TOP1: variants seen among roughly 807,000 people sequenced by gnomAD.
TOP1 encodes DNA topoisomerase 1.
TOP1 carries 10 observed loss-of-function variants against 111.1 expected under a neutral mutation model. That is an observed-to-expected ratio of 0.09 (90% CI 0.06 to 0.15). TOP1 has a LOEUF of 0.15. Ranked by LOEUF, TOP1 falls within the 10% of genes least tolerant of loss-of-function variation. The probability of loss-of-function intolerance (pLI) is 1.00; values close to 1 mark genes in which losing one functional copy is unlikely to be tolerated. For synonymous variants in TOP1, 271 were observed against 302.9 expected (o/e 0.89, Z 1.10); for missense variants, 474 against 926.7 (o/e 0.51, Z 6.34).
intron 8 of TOP1, among the ~76,000 whole-genome samples, chr20:41,085,330 A>G (rs968522450): frequency 7.9e-5 from 12 of 152,190 alleles, no homozygotes; most frequent in African/African-American, 2.9e-4. Context: ...TTAATAAGTG[A>G]AAATATCTAG....
Position 41,114,212 on chromosome 20 carries a change from T to C in TOP1, c.1638+57T>C. ...TTTTCCATTATTCAACAAGCATGGG[T>C]TGACTGCTTTTTTGTGTGCTTTGCA... On this transcript the variant is annotated intron_variant, in intron 15 of 20. Coordinates refer to ENST00000361337, the MANE Select transcript of TOP1 (RefSeq NM_003286.4). This position sits in a 1 kb window ranked among gnomAD's most constrained non-coding sequence, Gnocchi z 4.5. The C allele has an allele frequency of 6.7e-7, 1 of 1,483,832 alleles. No homozygotes were observed. Among genetic ancestry groups the C allele is most frequent in the Admixed American group, 1.8e-5 (1 of 54,708 alleles). 91.9% of individuals were successfully genotyped at this position (1,483,832 alleles called of 1,614,324 possible). A position where few individuals can be genotyped will look rare whatever the true frequency, so the allele number is the denominator to read the frequency against.
intron 2 of TOP1, among the ~76,000 whole-genome samples, chr20:41,041,095 G>A (rs1213536648): frequency 4.6e-5 from 7 of 152,106 alleles, no homozygotes; most frequent in Non-Finnish European, 1.0e-4. Context: ...AGCCAGAAGT[G>A]TAACCACTTT....
In TOP1 at chr20:41,028,827, G is replaced by A; in HGVS notation, c.-241G>A. Reference sequence around the variant, plus strand: ...CCGCGCAGGCGCAGTGAGCCCAAATGCGAACTTAGGCTGTTACACAACTGC... The same window carrying A: ...CCGCGCAGGCGCAGTGAGCCCAAATACGAACTTAGGCTGTTACACAACTGC... On this transcript the variant is annotated 5_prime_UTR_variant, in exon 1 of 21. An upstream start codon of the reference 5' UTR is lost. Coordinates refer to ENST00000361337, the MANE Select transcript of TOP1 (RefSeq NM_003286.4). 1.9e-6 allele frequency: 1 copy of A among 517,376 alleles called. No homozygotes were observed. The highest frequency in any genetic ancestry group is 3.4e-6 in the Non-Finnish European group (1 of 293,588). The allele number at this position is 517,376 out of a possible 1,614,324, so 32.0% of individuals were successfully genotyped here. A position where few individuals can be genotyped will look rare whatever the true frequency, so the allele number is the denominator to read the frequency against.
rs768833470 is a variant in TOP1 at position 41,029,498 on chromosome 20, C to T, written c.58+43C>T. The T allele has an allele frequency of 6.6e-7, 1 of 1,517,180 alleles. No individual in the cohort carries two copies. The highest frequency in any genetic ancestry group is 1.2e-5 in the South Asian group (1 of 84,866). The allele number at this position is 1,517,180 out of a possible 1,614,324, so 94.0% of individuals were successfully genotyped here. A position where few individuals can be genotyped will look rare whatever the true frequency, so the allele number is the denominator to read the frequency against. ...GCCGACTCCGGGGCCCCCCAGCCGC[C>T]GGCCGCCTCCCCCGCGCCCTGCCGG... is the stretch of plus-strand genomic sequence containing the variant. On this transcript the variant is annotated intron_variant, in intron 2 of 20. Transcript: ENST00000361337. The surrounding 1 kb of genome is among the most constrained non-coding windows in gnomAD (Gnocchi z 6.1).
At position 41,079,458 on chromosome 20, in the gene TOP1, T is replaced by G. The variant is rs759017714; in HGVS notation, c.336-627T>G. Among the ~76,000 whole-genome samples the G allele has an allele frequency of 6.6e-6, 1 of 152,234 alleles. No individual in the cohort carries two copies. The highest frequency in any genetic ancestry group is 2.1e-4 in the South Asian group (1 of 4,834). On this transcript the variant is annotated intron_variant, in intron 5 of 20. Transcript: ENST00000361337. The surrounding 1 kb of genome is among the most constrained non-coding windows in gnomAD (Gnocchi z 4.0). Reference sequence around the variant, plus strand: ...AACAAATAGTAGTGAGACACTCTTCTGTATATAAAGTAAACCTAAGTTAGG... The same window carrying G: ...AACAAATAGTAGTGAGACACTCTTCGGTATATAAAGTAAACCTAAGTTAGG...
chr20:41,095,826 A>C lies in TOP1; in HGVS notation c.731-1394A>C, dbSNP rs1048443933. Among the ~76,000 whole-genome samples, 1 of 152,244 alleles carries C rather than the reference A, an allele frequency of 6.6e-6. No individual in the cohort carries two copies. The highest frequency in any genetic ancestry group is 1.9e-4 in the East Asian group (1 of 5,206). Reference sequence around the variant, plus strand: ...GTTAACCTCATTTTAAGTATAGCCAAATGCTCTTAGTATAGCATGGATTGG... The same window carrying C: ...GTTAACCTCATTTTAAGTATAGCCACATGCTCTTAGTATAGCATGGATTGG... On this transcript the variant is annotated intron_variant, in intron 9 of 20. Coordinates refer to ENST00000361337, the MANE Select transcript of TOP1 (RefSeq NM_003286.4). The surrounding 1 kb of genome is among the most constrained non-coding windows in gnomAD (Gnocchi z 4.6).
chr20:41,075,489 A>G (rs1417839457), intron 3 of TOP1, among the ~76,000 whole-genome samples: 2 of 152,220 alleles, frequency 1.3e-5, no homozygotes, highest in Admixed American at 6.5e-5. Context: ...ACATCTTTAT[A>G]TGTAATGTTA....
Position 41,101,474 on chromosome 20 carries a change from A to ATG in TOP1, c.1308+121_1308+122insTG. ...ATTAAAAATCCTCCCCATTGAAAGAAGGCAAGTACTTTCATAGTTAGCATT... is the reference window on the plus strand; with the variant it reads ...ATTAAAAATCCTCCCCATTGAAAGAATGGGCAAGTACTTTCATAGTTAGCATT... On this transcript the variant is annotated intron_variant, in intron 13 of 20. Coordinates refer to ENST00000361337, the MANE Select transcript of TOP1 (RefSeq NM_003286.4). The surrounding 1 kb of genome is among the most constrained non-coding windows in gnomAD (Gnocchi z 4.1). 1 of 1,102,462 alleles carries ATG rather than the reference A, an allele frequency of 9.1e-7. No individual in the cohort carries two copies. The highest frequency in any genetic ancestry group is 1.3e-6 in the Non-Finnish European group (1 of 787,020). The allele number at this position is 1,102,462 out of a possible 1,614,324, so 68.3% of individuals were successfully genotyped here. A position where few individuals can be genotyped will look rare whatever the true frequency, so the allele number is the denominator to read the frequency against.
In TOP1 at chr20:41,097,598, A is replaced by G. The variant is rs1792099556; in HGVS notation, c.852+257A>G. 6.6e-6 allele frequency among the ~76,000 whole-genome samples: 1 copy of G among 152,178 alleles called. No homozygotes were observed. The highest frequency in any genetic ancestry group is 2.4e-5 in the African/African-American group (1 of 41,438). On this transcript the variant is annotated intron_variant, in intron 10 of 20. Transcript: ENST00000361337. The surrounding 1 kb of genome is among the most constrained non-coding windows in gnomAD (Gnocchi z 4.2). ...GGGGTTATCAGATTAGGCCAAACAG[A>G]AAACCTCAACTCCAGTTGCGCACAG...
Position 41,094,358 on chromosome 20 carries a change from T to G in TOP1, c.730+1771T>G, listed in dbSNP as rs1347599258. Among the ~76,000 whole-genome samples the G allele has an allele frequency of 1.3e-5, 2 of 152,176 alleles. No individual in the cohort carries two copies. Among genetic ancestry groups the G allele is most frequent in the Admixed American group, 6.6e-5 (1 of 15,266 alleles). On this transcript the variant is annotated intron_variant, in intron 9 of 20. Transcript: ENST00000361337. The surrounding 1 kb of genome is among the most constrained non-coding windows in gnomAD (Gnocchi z 4.4). ...GGGCCTAGAACCTTGAAGAGCACCA[T>G]CTCAAAGCGTAGGTATTCCGTAGGC...
chr20:41,123,090 A>G lies in TOP1; in HGVS notation c.2196-105A>G, dbSNP rs2034446902. 1.4e-6 allele frequency: 1 copy of G among 730,852 alleles called. No homozygotes were observed. Among genetic ancestry groups the G allele is most frequent in the East Asian group, 2.7e-5 (1 of 37,594 alleles). The allele number at this position is 730,852 out of a possible 1,614,324, so 45.3% of individuals were successfully genotyped here. On this transcript the variant is annotated intron_variant, in intron 20 of 20. Transcript: ENST00000361337. This position sits in a 1 kb window ranked among gnomAD's most constrained non-coding sequence, Gnocchi z 5.8. ...TGGTGCACTATTAATTTGCATCCTCACTAGACAGATGTGAAAGAGAAGATG... is the reference window on the plus strand; with the variant it reads ...TGGTGCACTATTAATTTGCATCCTCGCTAGACAGATGTGAAAGAGAAGATG...
intron 8 of TOP1, among the ~76,000 whole-genome samples, chr20:41,088,516 ATAAAT>A (rs961402087): frequency 1.3e-5 from 2 of 152,152 alleles, no homozygotes; most frequent in Admixed American, 1.3e-4. Context: ...AAATAAATAA[ATAAAT>A]AAAAACACTG....
In TOP1 at chr20:41,100,292, C is replaced by T. The variant is rs6102279; in HGVS notation, c.1163+49C>T. The T allele has an allele frequency of 6.8e-7, 1 of 1,475,430 alleles. No individual in the cohort carries two copies. The highest frequency in any genetic ancestry group is 9.3e-7 in the Non-Finnish European group (1 of 1,073,504). The allele number at this position is 1,475,430 out of a possible 1,614,324, so 91.4% of individuals were successfully genotyped here. ...GGCCAAAAAGGGGGTGGAGGGCGTC[C>T]TTTATTGTACTTGGGAATATTTCCC... On this transcript the variant is annotated intron_variant, in intron 12 of 20. Transcript: ENST00000361337. The surrounding 1 kb of genome is among the most constrained non-coding windows in gnomAD (Gnocchi z 4.4).
rs2145937743 is a variant in TOP1 at position 41,080,260 on chromosome 20, A to G, written c.431+80A>G. 1 of 813,050 alleles carries G rather than the reference A, an allele frequency of 1.2e-6. No individual in the cohort carries two copies. The highest frequency in any genetic ancestry group is 2.0e-6 in the Non-Finnish European group (1 of 510,486). The allele number at this position is 813,050 out of a possible 1,614,324, so 50.4% of individuals were successfully genotyped here. A position where few individuals can be genotyped will look rare whatever the true frequency, so the allele number is the denominator to read the frequency against. ...AATAAATGTGATGTGTTTCTTTATA[A>G]TACATATAGAAACTGCATTAATTGG... is the stretch of plus-strand genomic sequence containing the variant. On this transcript the variant is annotated intron_variant, in intron 6 of 20. Transcript: ENST00000361337. The surrounding 1 kb of genome is among the most constrained non-coding windows in gnomAD (Gnocchi z 5.0).
chr20:41,090,538 T>A (rs1387697422), intron 8 of TOP1, among the ~76,000 whole-genome samples: 1 of 152,210 alleles, frequency 6.6e-6, no homozygotes, highest in Non-Finnish European at 1.5e-5. Flanking sequence ...AGTGTCTCTC[T>A]GTTGCCCAGG....
rs2034068577 is a variant in TOP1 at position 41,101,866 on chromosome 20, A to G, written c.1308+513A>G. On this transcript the variant is annotated intron_variant, in intron 13 of 20. Transcript: ENST00000361337. The surrounding 1 kb of genome is among the most constrained non-coding windows in gnomAD (Gnocchi z 4.1). ...GGGTAGGTTCACCAGGGCCAAATGAAATGTGTGTGAAAGCACATCATAAAA... is the reference window on the plus strand; with the variant it reads ...GGGTAGGTTCACCAGGGCCAAATGAGATGTGTGTGAAAGCACATCATAAAA... Among the ~76,000 whole-genome samples, 1 of 152,238 alleles carries G rather than the reference A, an allele frequency of 6.6e-6. No individual in the cohort carries two copies. Among genetic ancestry groups the G allele is most frequent in the Non-Finnish European group, 1.5e-5 (1 of 68,034 alleles).
chr20:41,117,302 T>C (rs1372962146), intron 17 of TOP1, among the ~76,000 whole-genome samples: 1 of 151,020 alleles, frequency 6.6e-6, no homozygotes, highest in Non-Finnish European at 1.5e-5. Context: ...ACCACCGCAC[T>C]CCAGCTTGGG....
At chr20:41,103,894 A>T (rs1330310975) in intron 13 of TOP1, among the ~76,000 whole-genome samples, 1 of 151,878 alleles carries the variant, frequency 6.6e-6, no homozygotes, top group East Asian at 2.0e-4. Context: ...TGAATCCTAG[A>T]GGCTGGATCA....
At chr20:41,042,245 A>AT (rs1275483259) in intron 2 of TOP1, among the ~76,000 whole-genome samples, 1 of 152,170 alleles carries the variant, frequency 6.6e-6, no homozygotes, top group Admixed American at 6.5e-5. Flanking sequence ...CCAGAACAGT[A>AT]TTTTTTAATA....
Sources: allele counts gnomAD v4.1 joint callset (sites outside exome capture counted in the v4.1 genomes callset), GRCh38; gene constraint gnomAD v4.1.1; non-coding constraint Gnocchi (gnomAD v3.1); transcripts MANE v1.5; gene names NCBI Gene and HGNC (gene_info 2026-07-23, HGNC 2026-07-21).